Variants in UBA6 observed in about 807,000 individuals in gnomAD.
UBA6 encodes the protein ubiquitin like modifier activating enzyme 6.
In UBA6, 87 loss-of-function variants were observed where a neutral mutation model predicts 148.3. That is an observed-to-expected ratio of 0.59 (90% confidence interval 0.49 to 0.70). The LOEUF (loss-of-function observed/expected upper bound fraction) is 0.70, where lower values mean the gene tolerates loss of function less well. Ranked by LOEUF, UBA6 falls within the 30% of genes least tolerant of loss-of-function variation. The pLI is 0.00. For synonymous variants in UBA6, 376 were observed against 401.0 expected, an observed-to-expected ratio of 0.94 and a Z score of 0.75; for missense variants, 1,186 against 1,241.2, an observed-to-expected ratio of 0.96 and a Z score of 0.67.
chr4:67,688,516 G>A (rs912485261), intron 2 of UBA6, among the ~76,000 whole-genome samples: 2 of 151,972 alleles, frequency 1.3e-5, no homozygotes, highest in Non-Finnish European at 2.9e-5. Context: ...ATCAGAGGCA[G>A]TCCAAAATAA....
chr4:67,689,091 C>G (rs1322736461), intron 2 of UBA6, among the ~76,000 whole-genome samples: 1 of 152,060 alleles, frequency 6.6e-6, no homozygotes, highest in East Asian at 1.9e-4. Context: ...CTGATTTTTA[C>G]TTTCAGTACA....
intron 2 of UBA6, among the ~76,000 whole-genome samples, chr4:67,683,405 T>C (rs1730486491): frequency 6.6e-6 from 1 of 152,188 alleles, no homozygotes; most frequent in Non-Finnish European, 1.5e-5. Flanking sequence ...TTATATTGTA[T>C]TCTGACCATT....
chr4:67,672,409 A>C (rs544216271), intron 7 of UBA6, among the ~76,000 whole-genome samples: 25 of 152,360 alleles, frequency 1.6e-4, no homozygotes, highest in African/African-American at 6.0e-4. Flanking sequence ...TAATATGAAA[A>C]TAAAAAGTTC....
chr4:67,616,095 T>G lies in UBA6; in HGVS notation c.*2902A>C. The G allele has an allele frequency of 2.5e-6, 1 of 395,810 alleles. No individual in the cohort carries two copies. The allele number at this position is 395,810 out of a possible 1,614,324, so 24.5% of individuals were successfully genotyped here. A position where few individuals can be genotyped will look rare whatever the true frequency, so the allele number is the denominator to read the frequency against. On this transcript the variant is annotated 3_prime_UTR_variant, in exon 33 of 33. Coordinates refer to ENST00000322244, the MANE Select transcript of UBA6 (RefSeq NM_018227.6). Reference sequence around the variant, plus strand: ...TCAATAAAAAAACAAAGTTATGACATAGAGCAAAATGAACACATATTATCA... The same window carrying G: ...TCAATAAAAAAACAAAGTTATGACAGAGAGCAAAATGAACACATATTATCA...
At chr4:67,698,103 T>C (rs1052293013) in intron 1 of UBA6, among the ~76,000 whole-genome samples, 1 of 152,230 alleles carries the variant, frequency 6.6e-6, no homozygotes, top group African/African-American at 2.4e-5. Flanking sequence ...TTTTACCTAT[T>C]TCTTCTGCTT....
At chr4:67,670,368 A>G (rs1730114406) in intron 8 of UBA6, 102 bp downstream of exon 8, 1 of 983,180 alleles carries the variant, frequency 1.0e-6, no homozygotes, top group African/African-American at 1.6e-5. Flanking sequence ...TGTAAAATAA[A>G]TTTTGCACAC....
chr4:67,684,434 T>G (rs767037737), intron 2 of UBA6, among the ~76,000 whole-genome samples: 1 of 152,188 alleles, frequency 6.6e-6, no homozygotes, highest in Non-Finnish European at 1.5e-5. Context: ...TGATTCTTTT[T>G]TTATGTGTTA....
At chr4:67,667,395 G>C (rs1197186715) in intron 9 of UBA6, among the ~76,000 whole-genome samples, 1 of 151,842 alleles carries the variant, frequency 6.6e-6, no homozygotes, top group African/African-American at 2.4e-5. Context: ...AAAATAATTA[G>C]ATGTAGCTGG....
chr4:67,673,594 A>G, intron 7 of UBA6, 103 bp downstream of exon 7: 1 of 604,830 alleles, frequency 1.7e-6, no homozygotes, highest in East Asian at 2.7e-5. Flanking sequence ...TGTGATTAAT[A>G]TGTAAAAAGT....
At chr4:67,658,241 C>A (rs917308937) in intron 13 of UBA6, among the ~76,000 whole-genome samples, 1 of 152,172 alleles carries the variant, frequency 6.6e-6, no homozygotes. Flanking sequence ...CAAATTCACA[C>A]GTATGTTTAT....
In UBA6 at chr4:67,613,212, G is replaced by A. The variant is rs146869525; in HGVS notation, c.*5785C>T. ...AAATTACTAATGCAGGTACCTGCCA[G>A]AAGCAAAAAACTCTGTGGAGGATAA... is the stretch of plus-strand genomic sequence containing the variant. On this transcript the variant is annotated 3_prime_UTR_variant, in exon 33 of 33. Coordinates refer to ENST00000322244, the MANE Select transcript of UBA6 (RefSeq NM_018227.6). 1.1e-3 allele frequency: 163 copies of A among 152,198 alleles called. 2 individuals carry two copies. The highest frequency in any genetic ancestry group is 3.6e-3 in the African/African-American group (149 of 41,524). 9.4% of individuals were successfully genotyped at this position (152,198 alleles called of 1,614,324 possible). A position where few individuals can be genotyped will look rare whatever the true frequency, so the allele number is the denominator to read the frequency against.
At chr4:67,657,507 C>T (rs1241263712) in intron 13 of UBA6, among the ~76,000 whole-genome samples, 1 of 152,088 alleles carries the variant, frequency 6.6e-6, no homozygotes, top group Non-Finnish European at 1.5e-5. Context: ...CTTCCTTACA[C>T]CTTATAGAAA....
At chr4:67,664,704 C>T (rs1411947420) in intron 10 of UBA6, among the ~76,000 whole-genome samples, 1 of 151,844 alleles carries the variant, frequency 6.6e-6, no homozygotes, top group African/African-American at 2.4e-5. Context: ...ACATTTCCAA[C>T]ATATATACTG....
In UBA6 at chr4:67,629,028, A is replaced by G. The variant is rs1460652819; in HGVS notation, c.2400+43T>C. On this transcript the variant is annotated intron_variant, in intron 27 of 32. Coordinates refer to ENST00000322244, the MANE Select transcript of UBA6 (RefSeq NM_018227.6). ...TAGAATGGGACTTGGTACAAGTCCA[A>G]ATTCCCAAACTATTTGCTGAATGAA... is the stretch of plus-strand genomic sequence containing the variant. 4 of 1,419,558 alleles carry G rather than the reference A, an allele frequency of 2.8e-6. No individual in the cohort carries two copies. In the Admixed American group the frequency reaches 6.7e-5, roughly 24 times the overall value. The allele number at this position is 1,419,558 out of a possible 1,614,324, so 87.9% of individuals were successfully genotyped here.
chr4:67,670,171 T>C (rs1277017377), intron 8 of UBA6, among the ~76,000 whole-genome samples: 2 of 152,160 alleles, frequency 1.3e-5, no homozygotes, highest in Non-Finnish European at 2.9e-5. Context: ...CTCAAACTCC[T>C]GAGCTAAAGT....
rs1212572396 is a variant in UBA6, at chr4:67,673,748, T to C, written c.495A>G (p.Pro165=). 6.2e-7 allele frequency: 1 copy of C among 1,612,216 alleles called. No homozygotes were observed. ...AAAAGTCATTGATCTTCTTCTGCAA[T>C]GGAAGTTTCATCTCAGTCAATACTA... ...QCVVLTEMKL[P]LQKKINDFCR... Residue 165 remains proline, a synonymous_variant, in exon 7 of 33, where the codon CCA becomes CCG. Transcript: ENST00000322244.
rs778047002 is a variant in UBA6, at chr4:67,624,356, T to G, written c.2713-103A>C. On this transcript the variant is annotated intron_variant, in intron 29 of 32. Transcript: ENST00000322244. The stretch of plus-strand genomic sequence containing the variant: ...ACGTTTTCAAGCATTTCTCTGTGGA[T>G]AGTAAAAGCAGCTATGGGACTATAG... The G allele has an allele frequency of 2.0e-5, 22 of 1,098,908 alleles. No individual in the cohort carries two copies. In the African/African-American group the frequency reaches 3.0e-4, roughly 15 times the overall value. The allele number at this position is 1,098,908 out of a possible 1,614,324, so 68.1% of individuals were successfully genotyped here. A position where few individuals can be genotyped will look rare whatever the true frequency, so the allele number is the denominator to read the frequency against.
In UBA6 at chr4:67,626,256, CATT is replaced by C. The variant is rs562743078; in HGVS notation, c.2518+101_2518+103del. The C allele has an allele frequency of 3.6e-3, 2,556 of 705,106 alleles. 13 individuals carry two copies. Among genetic ancestry groups the C allele is most frequent in the Middle Eastern group, 0.017 (45 of 2,646 alleles). 43.7% of individuals were successfully genotyped at this position (705,106 alleles called of 1,614,324 possible). A position where few individuals can be genotyped will look rare whatever the true frequency, so the allele number is the denominator to read the frequency against. Reference sequence around the variant, plus strand: ...TCATGAAATCAATCAATATTGTCATCATTATTATTGTTGTGATTAAATTCCACA... The same window carrying C: ...TCATGAAATCAATCAATATTGTCATCATTATTGTTGTGATTAAATTCCACA... On this transcript the variant is annotated intron_variant, in intron 28 of 32. Transcript: ENST00000322244.
At chr4:67,629,257 A>T (rs956263259) in intron 26 of UBA6, 115 bp from the exon 27 acceptor site, 2 of 681,586 alleles carry the variant, frequency 2.9e-6, no homozygotes, top group Admixed American at 2.3e-5. Context: ...TCATTATCTG[A>T]ATATGTAGAC....
Sources: gnomAD v4.1 joint callset for allele counts (sites outside exome capture counted in the v4.1 genomes callset) on GRCh38, gnomAD v4.1.1 for gene constraint, MANE v1.5 for transcripts, NCBI Gene and HGNC (gene_info 2026-07-23, HGNC 2026-07-21) for gene names.